DAB2IP: variants seen among roughly 807,000 people sequenced by gnomAD.
DAB2IP encodes the protein DAB2 interacting protein.
Under a neutral mutation model 107.2 loss-of-function variants are expected in DAB2IP, and 28 were observed. That is an observed-to-expected ratio of 0.26 (90% CI 0.19 to 0.36). The LOEUF is 0.36. DAB2IP is among the 10% of genes least tolerant of loss of function. DAB2IP has a pLI of 1.00. For missense variants in DAB2IP, 1,400 were observed against 1,644.7 expected (o/e 0.85, Z 2.57); for synonymous variants, 755 against 706.4 (o/e 1.07, Z -1.09).
At chr9:121,694,597 GCT>G (rs1408784110) in intron 2 of DAB2IP, among the ~76,000 whole-genome samples, 3 of 152,096 alleles carry the variant, frequency 2.0e-5, no homozygotes, top group Admixed American at 2.0e-4. Context: ...TGGTGGTGTA[GCT>G]CTACTCCTGG....
At chr9:121,651,268 C>T (rs560731937), upstream of DAB2IP, among the ~76,000 whole-genome samples, 2 of 152,232 alleles carry the variant, frequency 1.3e-5, no homozygotes, top group Non-Finnish European at 2.9e-5. This position sits in a 1 kb window ranked among gnomAD's most constrained non-coding sequence, Gnocchi z 5.1. Context: ...GCCCAGCGAG[C>T]CTGGGGCAGG....
intron 3 of DAB2IP, among the ~76,000 whole-genome samples, chr9:121,705,037 G>A (rs554723247): frequency 3.9e-5 from 6 of 152,228 alleles, no homozygotes; most frequent in South Asian, 2.1e-4. Context: ...CACAGAATAC[G>A]ACCTGGACGT....
chr9:121,759,332 T>A (rs1286160805), intron 5 of DAB2IP, among the ~76,000 whole-genome samples: 1 of 152,196 alleles, frequency 6.6e-6, no homozygotes. Flanking sequence ...CCACCTTAGA[T>A]GTCTGCCCCT....
intron 1 of DAB2IP, among the ~76,000 whole-genome samples, chr9:121,583,301 G>C (rs1163093161): frequency 6.6e-6 from 1 of 152,194 alleles, no homozygotes; most frequent in Admixed American, 6.5e-5. Flanking sequence ...TGAGGCAAGA[G>C]AATTGCTTGA....
At chr9:121,628,266 C>G (rs774646999) in intron 1 of DAB2IP, among the ~76,000 whole-genome samples, 3 of 152,188 alleles carry the variant, frequency 2.0e-5, no homozygotes, top group Non-Finnish European at 4.4e-5. Flanking sequence ...CCTAGCCCCC[C>G]TTAGTCATCC....
intron 1 of DAB2IP, among the ~76,000 whole-genome samples, chr9:121,608,980 C>G (rs970969821): frequency 6.6e-6 from 1 of 152,172 alleles, no homozygotes; most frequent in South Asian, 2.1e-4. Context: ...CTCGCTCTGT[C>G]GCCCAGGCTA....
chr9:121,569,450 C>T (rs559480801), intron 1 of DAB2IP, among the ~76,000 whole-genome samples: 7 of 152,346 alleles, frequency 4.6e-5, no homozygotes, highest in South Asian at 2.1e-4. Context: ...CAATGATTCC[C>T]TCTATATTGA....
chr9:121,671,136 T>C (rs1027820224), intron 1 of DAB2IP, among the ~76,000 whole-genome samples: 1 of 151,256 alleles, frequency 6.6e-6, no homozygotes, highest in Non-Finnish European at 1.5e-5. Flanking sequence ...GGCAACAGAG[T>C]GAGACTCCGT....
At chr9:121,780,681 G>A (rs1017729020) in intron 14 of DAB2IP, among the ~76,000 whole-genome samples, 1 of 152,210 alleles carries the variant, frequency 6.6e-6, no homozygotes, top group Non-Finnish European at 1.5e-5. Flanking sequence ...AAAGCCAAAG[G>A]AGAGTGGGAA....
chr9:121,714,439 C>T (rs1246152343), intron 3 of DAB2IP, among the ~76,000 whole-genome samples: 3 of 152,166 alleles, frequency 2.0e-5, no homozygotes, highest in African/African-American at 2.4e-5. Context: ...AAGGCCGAGT[C>T]CTGAGCAGCA....
At chr9:121,593,232 C>T (rs1236994796) in intron 1 of DAB2IP, among the ~76,000 whole-genome samples, 2 of 152,112 alleles carry the variant, frequency 1.3e-5, no homozygotes, top group African/African-American at 2.4e-5. Flanking sequence ...CACAGGCATG[C>T]TCACCACTGT....
At chr9:121,710,148 A>G (rs921990116) in intron 3 of DAB2IP, among the ~76,000 whole-genome samples, 7 of 152,148 alleles carry the variant, frequency 4.6e-5, no homozygotes, top group African/African-American at 7.2e-5. Flanking sequence ...CCCTCTCCCT[A>G]TCTTACAGGT....
rs1353192939 is a variant in DAB2IP, at chr9:121,699,288, C to G, written c.229-37C>G. 2.2e-6 allele frequency: 3 copies of G among 1,352,384 alleles called. No homozygotes were observed. In the African/African-American group the frequency reaches 4.6e-5, roughly 21 times the overall value. 83.8% of individuals were successfully genotyped at this position (1,352,384 alleles called of 1,614,324 possible). On this transcript the variant is annotated intron_variant, in intron 2 of 15. Coordinates refer to ENST00000408936, the Ensembl canonical transcript of DAB2IP. This position sits in a 1 kb window ranked among gnomAD's most constrained non-coding sequence, Gnocchi z 6.2. ...CCGGCCCGCCGCCGCCGCGCTAACC[C>G]CGCCTCCCCTTCCCCCTCTTGTCCC...
chr9:121,753,602 A>G (rs1833282334), intron 3 of DAB2IP, among the ~76,000 whole-genome samples: 1 of 152,186 alleles, frequency 6.6e-6, no homozygotes. Flanking sequence ...TGGGCGGCTC[A>G]AGTAACTGCT....
chr9:121,759,168 G>C (rs1271144207), intron 5 of DAB2IP, among the ~76,000 whole-genome samples, 172 bp downstream of exon 5: 1 of 152,214 alleles, frequency 6.6e-6, no homozygotes, highest in East Asian at 1.9e-4. Flanking sequence ...CGTTTGAGTT[G>C]ACCAGGTTGA....
At chr9:121,718,506 G>A (rs1830739550) in intron 3 of DAB2IP, among the ~76,000 whole-genome samples, 1 of 152,100 alleles carries the variant, frequency 6.6e-6, no homozygotes, top group South Asian at 2.1e-4. Flanking sequence ...TCCTTACACT[G>A]CATCACCCAC....
At chr9:121,655,012 T>C (rs1832913818) in intron 1 of DAB2IP, among the ~76,000 whole-genome samples, 1 of 152,172 alleles carries the variant, frequency 6.6e-6, no homozygotes. Flanking sequence ...AGGGACAGTA[T>C]CTGCAGTCTC....
chr9:121,695,510 G>T (rs1267866120), intron 2 of DAB2IP, among the ~76,000 whole-genome samples: 1 of 152,126 alleles, frequency 6.6e-6, no homozygotes, highest in African/African-American at 2.4e-5. Flanking sequence ...TCCAGTAATC[G>T]GCCCACAGCT....
chr9:121,768,422 C>T lies in DAB2IP; in HGVS notation c.1698-10C>T, dbSNP rs866588251. The T allele has an allele frequency of 1.9e-6, 3 of 1,614,020 alleles. No homozygotes were observed. The East Asian group carries it at 6.7e-5, about 36-fold the overall frequency. On this transcript the variant is annotated splice_polypyrimidine_tract_variant and intron_variant, in intron 9 of 15. Transcript: ENST00000408936. The stretch of plus-strand genomic sequence containing the variant: ...GCCCAGTAGTGCTCACCCAACTGCC[C>T]TCTCTCCAGATTTGGCAGCAAGGAG...
Sources: allele counts gnomAD v4.1 joint callset (sites outside exome capture counted in the v4.1 genomes callset), GRCh38; gene constraint gnomAD v4.1.1; non-coding constraint Gnocchi (gnomAD v3.1); transcripts MANE v1.5; gene names NCBI Gene and HGNC (gene_info 2026-07-23, HGNC 2026-07-21).